The following SLIT2 variants were observed in gnomAD, a reference collection of about 807,000 sequenced individuals.
SLIT2 encodes the protein slit guidance ligand 2.
In SLIT2, 41 loss-of-function variants were observed where a neutral mutation model predicts 185.7. The ratio of observed to expected loss-of-function variants is 0.22; its 90% CI spans 0.17 to 0.29. The LOEUF is 0.29. SLIT2 is among the 10% of genes least tolerant of loss of function. The pLI, the probability that SLIT2 is intolerant of heterozygous loss-of-function variation, is 1.00. For missense variants in SLIT2, 1,571 were observed against 1,909.0 expected (o/e 0.82, Z 3.30); for synonymous variants, 693 against 680.2 (o/e 1.02, Z -0.29).
chr4:20,570,598 T>G (rs978770746), intron 29 of SLIT2, among the ~76,000 whole-genome samples: 1 of 151,274 alleles, frequency 6.6e-6, no homozygotes, highest in Non-Finnish European at 1.5e-5. Flanking sequence ...AGACAGGGCT[T>G]AAGAACCCAG....
chr4:20,546,493 C>CA (rs1216543274), intron 22 of SLIT2, among the ~76,000 whole-genome samples: 1 of 151,956 alleles, frequency 6.6e-6, no homozygotes, highest in African/African-American at 2.4e-5. Flanking sequence ...ATGACTTTCC[C>CA]AAAAATGTAA....
chr4:20,453,574 G>T (rs780013097), intron 4 of SLIT2, among the ~76,000 whole-genome samples: 3 of 152,118 alleles, frequency 2.0e-5, no homozygotes, highest in Non-Finnish European at 4.4e-5. Flanking sequence ...TTAATTTATA[G>T]ATTAGGAAAT....
chr4:20,384,399 G>A (rs1366129275), intron 4 of SLIT2, among the ~76,000 whole-genome samples: 7 of 152,222 alleles, frequency 4.6e-5, no homozygotes, highest in Non-Finnish European at 8.8e-5. Context: ...AGATGCAATG[G>A]AACTTTTTGG....
chr4:20,478,836 A>T (rs1577741567), intron 5 of SLIT2, among the ~76,000 whole-genome samples: 1 of 152,050 alleles, frequency 6.6e-6, no homozygotes, highest in African/African-American at 2.4e-5. Flanking sequence ...TAGCACTTTA[A>T]AATAAAAAAG....
chr4:20,432,373 A>C (rs1477555011), intron 4 of SLIT2, among the ~76,000 whole-genome samples: 5 of 152,196 alleles, frequency 3.3e-5, no homozygotes, highest in African/African-American at 1.2e-4. Flanking sequence ...GTCCACAGTG[A>C]AGCAAGAAAA....
intron 4 of SLIT2, among the ~76,000 whole-genome samples, chr4:20,367,435 G>A (rs1188239748): frequency 6.6e-6 from 1 of 152,128 alleles, no homozygotes; most frequent in East Asian, 1.9e-4. Flanking sequence ...CAACTTCAGT[G>A]TATGGATGTA....
At chr4:20,554,031 A>C (rs1724021967) in intron 26 of SLIT2, 63 bp downstream of exon 26, 1 of 1,329,690 alleles carries the variant, frequency 7.5e-7, no homozygotes, top group African/African-American at 1.5e-5. Context: ...AAAGAAAAAG[A>C]CAACCAATTG....
chr4:20,325,565 A>T (rs1281860718), intron 4 of SLIT2, among the ~76,000 whole-genome samples: 4 of 152,052 alleles, frequency 2.6e-5, no homozygotes, highest in Non-Finnish European at 5.9e-5. Context: ...ATTCTTACAA[A>T]TTTTTACATC....
intron 23 of SLIT2, 38 bp from the exon 24 acceptor site, chr4:20,549,019 T>C (rs1723501193): frequency 2.3e-6 from 3 of 1,285,672 alleles, no homozygotes; most frequent in South Asian, 2.4e-5. Context: ...CATTTTTGGA[T>C]TTCTGAATAA....
chr4:20,519,399 A>C lies in SLIT2; in HGVS notation c.1076A>C (p.Lys359Thr), dbSNP rs1331239664. 2 of 1,579,506 alleles carry C rather than the reference A, an allele frequency of 1.3e-6. No individual in the cohort carries two copies. Among genetic ancestry groups the C allele is most frequent in the Non-Finnish European group, 1.7e-6 (2 of 1,150,094 alleles). Residue 359 changes from lysine (K) to threonine (T), a missense_variant, in exon 12 of 37, where the codon AAA (lysine) becomes ACA (threonine). By Grantham distance (78) the Lys-to-Thr change is moderately conservative (BLOSUM62 -1). This residue lies in a region of SLIT2 where 1,202 missense variants were observed against 1,416.4 expected (regional missense o/e 0.85). Coordinates refer to ENST00000504154, the MANE Select transcript of SLIT2 (RefSeq NM_004787.4). ...SLNSLVLYGN[K>T]ITELPKSLFE... The stretch of plus-strand genomic sequence containing the variant: ...TTTTTCAGTGTCCTCTATGGAAATA[A>C]AATCACAGAACTCCCCAAAAGTTTA...
chr4:20,587,262 G>T (rs973674992), intron 29 of SLIT2, among the ~76,000 whole-genome samples: 4 of 151,974 alleles, frequency 2.6e-5, no homozygotes, highest in Non-Finnish European at 4.4e-5. Context: ...CAGGCAATCC[G>T]CCCTCCTCAG....
chr4:20,267,511 T>G (rs1004974898), intron 3 of SLIT2, among the ~76,000 whole-genome samples: 68 of 151,924 alleles, frequency 4.5e-4, no homozygotes, highest in Admixed American at 4.5e-3. Flanking sequence ...GAAGTTTACC[T>G]GGTCTCGCTT....
intron 18 of SLIT2, among the ~76,000 whole-genome samples, 168 bp from the exon 19 acceptor site, chr4:20,539,273 G>C (rs562739350): frequency 6.6e-6 from 1 of 152,232 alleles, no homozygotes; most frequent in Admixed American, 6.5e-5. Context: ...TTTTATTCTT[G>C]CAAGATATTC....
At chr4:20,386,680 C>T (rs979266598) in intron 4 of SLIT2, among the ~76,000 whole-genome samples, 1 of 152,128 alleles carries the variant, frequency 6.6e-6, no homozygotes, top group African/African-American at 2.4e-5. Context: ...CTCCTTAGCA[C>T]AGATATTGGG....
In SLIT2 at chr4:20,417,436, G is replaced by GTGTGTATATATATATATATA. The variant is rs1553898364; in HGVS notation, c.396-50315_396-50314insGTGTATATATATATATATAT. Reference sequence around the variant, plus strand: ...CGCAATCATATATATATGTGTGTGTGTATATATATATATATATATATACGT... The same window carrying GTGTGTATATATATATATATA: ...CGCAATCATATATATATGTGTGTGTGTGTGTATATATATATATATATATATATATATATATATATATACGT... On this transcript the variant is annotated intron_variant, in intron 4 of 36. Transcript: ENST00000504154. Among the ~76,000 whole-genome samples the GTGTGTATATATATATATATA allele has an allele frequency of 9.7e-5, 12 of 123,676 alleles. 1 individual carries two copies. The highest frequency in any genetic ancestry group is 2.1e-4 in the Non-Finnish European group (12 of 56,766). 81.1% of individuals were successfully genotyped at this position (123,676 alleles called of 152,430 possible). A position where few individuals can be genotyped will look rare whatever the true frequency, so the allele number is the denominator to read the frequency against.
chr4:20,329,814 G>A (rs1719913251), intron 4 of SLIT2, among the ~76,000 whole-genome samples: 1 of 151,964 alleles, frequency 6.6e-6, no homozygotes, highest in African/African-American at 2.4e-5. Context: ...TAATATGCTA[G>A]CATCATAACC....
intron 9 of SLIT2, among the ~76,000 whole-genome samples, chr4:20,505,984 C>T (rs1719173436): frequency 6.6e-6 from 1 of 151,916 alleles, no homozygotes; most frequent in Non-Finnish European, 1.5e-5. Flanking sequence ...TTTATTAGTG[C>T]AGTTAGAAAA....
At position 20,586,315 on chromosome 4, in the gene SLIT2, A is replaced by G. The variant is rs914632364; in HGVS notation, c.3089-3329A>G. Among the ~76,000 whole-genome samples the G allele has an allele frequency of 7.2e-5, 11 of 152,238 alleles. No homozygotes were observed. The East Asian group carries it at 1.7e-3, about 24-fold the overall frequency. ...TGAGTGAGTAATTAAGCAAAAAATT[A>G]CACTAATCTCTAAAGGCTAGAATGA... On this transcript the variant is annotated intron_variant, in intron 29 of 36. Transcript: ENST00000504154.
At chr4:20,586,821 G>T (rs1577975376) in intron 29 of SLIT2, among the ~76,000 whole-genome samples, 1 of 152,254 alleles carries the variant, frequency 6.6e-6, no homozygotes, top group East Asian at 1.9e-4. Flanking sequence ...CAACAGAATT[G>T]TGAAAGGTTG....
Sources: allele counts gnomAD v4.1 joint callset (sites outside exome capture counted in the v4.1 genomes callset), GRCh38; gene constraint gnomAD v4.1.1; regional missense constraint gnomAD v4.1.1; transcripts MANE v1.5; gene names NCBI Gene and HGNC (gene_info 2026-07-23, HGNC 2026-07-21).